POLR3B: variants seen among roughly 807,000 people sequenced by gnomAD.
POLR3B encodes DNA-directed RNA polymerase III subunit RPC2.
Under a neutral mutation model 147.4 loss-of-function variants are expected in POLR3B, and 96 were observed. The ratio of observed to expected loss-of-function variants is 0.65; its 90% CI spans 0.55 to 0.77. The LOEUF is 0.77. Ranked by LOEUF, POLR3B falls within the 30% of genes least tolerant of loss-of-function variation. POLR3B has a pLI of 0.00. For synonymous variants in POLR3B, 461 were observed against 485.9 expected, an observed-to-expected ratio of 0.95 and a Z score of 0.67; for missense variants, 1,036 against 1,413.5, an observed-to-expected ratio of 0.73 and a Z score of 4.28.
At chr12:106,358,318 A>T in intron 1 of POLR3B, 1 of 1,094,950 alleles carries the variant, frequency 9.1e-7, no homozygotes, top group Admixed American at 3.9e-5. Context: ...AGCTCAGGCC[A>T]TTTGCATGAG....
Position 106,414,848 on chromosome 12 carries a change from A to T in POLR3B, c.1101+3888A>T, listed in dbSNP as rs1220567068. Among the ~76,000 whole-genome samples the T allele has an allele frequency of 3.9e-5, 6 of 152,198 alleles. No individual in the cohort carries two copies. The East Asian group carries it at 9.6e-4, about 24-fold the overall frequency. ...ATGCCCCAGATATAATGTTCATCAC[A>T]TATTTGTTGTAGTAATGAATCAATT... is the stretch of plus-strand genomic sequence containing the variant. On this transcript the variant is annotated intron_variant, in intron 12 of 27. Coordinates refer to ENST00000228347, the MANE Select transcript of POLR3B (RefSeq NM_018082.6).
chr12:106,372,340 T>G (rs1302607227), intron 6 of POLR3B, among the ~76,000 whole-genome samples: 100 of 145,884 alleles, frequency 6.9e-4, no homozygotes, highest in East Asian at 3.4e-3. Context: ...TGTGTTTTTT[T>G]TTTTTTTTTT....
rs2036539718 is a variant in POLR3B at position 106,366,644 on chromosome 12, A to G, written c.163-14A>G. 1 of 1,612,634 alleles carries G rather than the reference A, an allele frequency of 6.2e-7. No homozygotes were observed. Among genetic ancestry groups the G allele is most frequent in the Non-Finnish European group, 8.5e-7 (1 of 1,178,620 alleles). On this transcript the variant is annotated splice_polypyrimidine_tract_variant and intron_variant, in intron 3 of 27. Coordinates refer to ENST00000228347, the MANE Select transcript of POLR3B (RefSeq NM_018082.6). The stretch of plus-strand genomic sequence containing the variant: ...AAGCCAGAGTCTTTGCTAATGTTGC[A>G]TTTTCCACTGCAGATAAAGAAGATA...
chr12:106,425,397 A>G (rs2037422504), intron 12 of POLR3B, among the ~76,000 whole-genome samples: 1 of 152,064 alleles, frequency 6.6e-6, no homozygotes, highest in Non-Finnish European at 1.5e-5. Flanking sequence ...TGTTGTTGCT[A>G]GTTACTGTAG....
chr12:106,438,520 A>C (rs1436546010), intron 18 of POLR3B, among the ~76,000 whole-genome samples: 2 of 150,816 alleles, frequency 1.3e-5, no homozygotes, highest in Admixed American at 1.3e-4. Context: ...TTTTTGAGAC[A>C]AGGTCTTGCT....
chr12:106,496,411 CA>C, intron 24 of POLR3B: 1 of 613,382 alleles, frequency 1.6e-6, no homozygotes, highest in East Asian at 2.8e-5. Context: ...TACCCCTCAG[CA>C]AAAGAGAATC....
intron 12 of POLR3B, among the ~76,000 whole-genome samples, chr12:106,417,672 A>G (rs2037322961): frequency 6.6e-6 from 1 of 152,190 alleles, no homozygotes; most frequent in African/African-American, 2.4e-5. Context: ...CATCAGGACT[A>G]CTGAGGAAGC....
chr12:106,440,148 A>G (rs1024132575), intron 18 of POLR3B, among the ~76,000 whole-genome samples: 1 of 152,170 alleles, frequency 6.6e-6, no homozygotes, highest in African/African-American at 2.4e-5. Flanking sequence ...TCGTTGTATT[A>G]CTCAAGCCAA....
rs1565909279 is a variant in POLR3B at position 106,477,891 on chromosome 12, C to CCTTTTTTTTTTTTTTTT, written c.2713+14271_2713+14272insCTTTTTTTTTTTTTTTT. Among the ~76,000 whole-genome samples, 2 of 70,478 alleles carry CCTTTTTTTTTTTTTTTT rather than the reference C, an allele frequency of 2.8e-5. 1 individual carries two copies. The allele number at this position is 70,478 out of a possible 152,430, so 46.2% of individuals were successfully genotyped here. ...CTATTCGGCCATCTTGGCTCCTCCCCTTTTTTTTTTTTTTTTTTTTTTTTT... is the reference window on the plus strand; with the variant it reads ...CTATTCGGCCATCTTGGCTCCTCCCCCTTTTTTTTTTTTTTTTTTTTTTTTTTTTTTTTTTTTTTTTT... On this transcript the variant is annotated intron_variant, in intron 23 of 27. Coordinates refer to ENST00000228347, the MANE Select transcript of POLR3B (RefSeq NM_018082.6).
intron 23 of POLR3B, among the ~76,000 whole-genome samples, chr12:106,493,530 ATTTTG>A (rs1245811649): frequency 6.6e-6 from 1 of 152,168 alleles, no homozygotes; most frequent in African/African-American, 2.4e-5. Context: ...CTGTCTAAAT[ATTTTG>A]TTTTAACTTC....
chr12:106,439,112 C>T (rs1305312099), intron 18 of POLR3B, among the ~76,000 whole-genome samples: 1 of 152,150 alleles, frequency 6.6e-6, no homozygotes, highest in Non-Finnish European at 1.5e-5. Context: ...TAATGGCTCA[C>T]CCCTATAATC....
intron 23 of POLR3B, among the ~76,000 whole-genome samples, chr12:106,483,941 A>G (rs1421640778): frequency 1.3e-5 from 2 of 152,226 alleles, no homozygotes; most frequent in African/African-American, 2.4e-5. Context: ...AACTCCAACT[A>G]GGTGAACTAT....
intron 14 of POLR3B, among the ~76,000 whole-genome samples, chr12:106,431,229 T>G (rs1400043403): frequency 6.6e-6 from 1 of 151,940 alleles, no homozygotes; most frequent in African/African-American, 2.4e-5. Flanking sequence ...AAAATAGGAG[T>G]CTGTATAGAG....
chr12:106,430,559 T>C (rs1352451691), intron 14 of POLR3B, 86 bp downstream of exon 14: 1 of 991,932 alleles, frequency 1.0e-6, no homozygotes, highest in Non-Finnish European at 1.6e-6. Flanking sequence ...CTGCTTCTGT[T>C]CCCATCTCCA....
intron 9 of POLR3B, among the ~76,000 whole-genome samples, chr12:106,390,573 C>G (rs540332630): frequency 6.6e-6 from 1 of 150,796 alleles, no homozygotes; most frequent in South Asian, 2.1e-4. Flanking sequence ...TTAATGAAAT[C>G]GTGTAATTTT....
chr12:106,433,164 G>A (rs2037532417), intron 15 of POLR3B, among the ~76,000 whole-genome samples: 3 of 152,154 alleles, frequency 2.0e-5, no homozygotes, highest in Admixed American at 1.3e-4. Context: ...AGCCTCAGCA[G>A]GGCTGTTAAC....
At chr12:106,479,066 G>A (rs2038224467) in intron 23 of POLR3B, among the ~76,000 whole-genome samples, 2 of 152,026 alleles carry the variant, frequency 1.3e-5, no homozygotes, top group South Asian at 4.1e-4. Context: ...AAATTTCATA[G>A]GCTCTTCTTT....
At chr12:106,388,520 G>A (rs939240001) in intron 9 of POLR3B, among the ~76,000 whole-genome samples, 8 of 152,100 alleles carry the variant, frequency 5.3e-5, no homozygotes, top group African/African-American at 1.7e-4. Context: ...GTTTCTCCAT[G>A]TTGGCCAGGA....
At chr12:106,482,173 C>T (rs1440637858) in intron 23 of POLR3B, among the ~76,000 whole-genome samples, 1 of 152,070 alleles carries the variant, frequency 6.6e-6, no homozygotes, top group Non-Finnish European at 1.5e-5. Context: ...CATCTGAAGC[C>T]AGAGGCATGA....
Sources: allele counts gnomAD v4.1 joint callset (sites outside exome capture counted in the v4.1 genomes callset), GRCh38; gene constraint gnomAD v4.1.1; transcripts MANE v1.5; gene names NCBI Gene and HGNC (gene_info 2026-07-23, HGNC 2026-07-21).